The following PURG variants were observed in gnomAD, a reference collection of about 807,000 sequenced individuals.
PURG encodes the protein purine-rich element-binding protein gamma.
Under a neutral mutation model 24.3 loss-of-function variants are expected in PURG, and 3 were observed. The ratio of observed to expected loss-of-function variants is 0.12; its 90% confidence interval spans 0.06 to 0.32. PURG has a LOEUF of 0.32. Ranked by LOEUF, PURG falls within the 10% of genes least tolerant of loss-of-function variation. The probability of loss-of-function intolerance (pLI) is 1.00; values close to 1 mark genes in which losing one functional copy is unlikely to be tolerated. For missense variants in PURG, 371 were observed against 439.1 expected, an observed-to-expected ratio of 0.84 and a Z score of 1.39; for synonymous variants, 180 against 173.1, an observed-to-expected ratio of 1.04 and a Z score of -0.31.
intron 1 of PURG, among the ~76,000 whole-genome samples, chr8:31,014,333 T>C (rs1810815492): frequency 6.6e-6 from 1 of 152,208 alleles, no homozygotes; most frequent in Non-Finnish European, 1.5e-5. Context: ...AGCAGCATAC[T>C]CATAATTATA....
chr8:31,007,800 C>T (rs1168250500), intron 1 of PURG, among the ~76,000 whole-genome samples: 1 of 151,960 alleles, frequency 6.6e-6, no homozygotes, highest in Non-Finnish European at 1.5e-5. Flanking sequence ...GCAATTGGTC[C>T]CTCAATCATG....
chr8:31,014,737 T>G (rs757160987), intron 1 of PURG, among the ~76,000 whole-genome samples: 1 of 152,192 alleles, frequency 6.6e-6, no homozygotes, highest in East Asian at 1.9e-4. Flanking sequence ...AAAACAGTCT[T>G]AGAATGTAGA....
intron 1 of PURG, among the ~76,000 whole-genome samples, chr8:31,016,786 A>G: frequency 6.6e-6 from 1 of 151,966 alleles, no homozygotes; most frequent in East Asian, 1.9e-4. Context: ...ACACCTGCAC[A>G]CTTGTGTTTG....
chr8:31,006,518 C>CAAAACA (rs74998207), intron 1 of PURG, among the ~76,000 whole-genome samples: 56,745 of 150,766 alleles, frequency 0.38, 12,524 homozygotes, highest in East Asian at 0.68. Flanking sequence ...AGCTCCGTCT[C>CAAAACA]AAAACAAAAA....
intron 1 of PURG, among the ~76,000 whole-genome samples, chr8:31,004,819 G>A (rs1285446114): frequency 6.6e-6 from 1 of 152,180 alleles, no homozygotes. Flanking sequence ...TCTGTTTTTA[G>A]TAATTTAGAG....
intron 1 of PURG, among the ~76,000 whole-genome samples, chr8:31,003,361 A>C (rs1002701764): frequency 1.3e-5 from 2 of 150,170 alleles, no homozygotes; most frequent in African/African-American, 2.4e-5. Context: ...TAATCAGGCT[A>C]TATTTCTTAT....
intron 1 of PURG, among the ~76,000 whole-genome samples, chr8:31,011,166 G>A (rs1810756839): frequency 6.6e-6 from 1 of 152,214 alleles, no homozygotes; most frequent in Non-Finnish European, 1.5e-5. Context: ...CAATGAGAGT[G>A]AAATAAAATT....
chr8:30,997,392 G>A (rs1220359977), intron 1 of PURG, among the ~76,000 whole-genome samples: 2 of 151,530 alleles, frequency 1.3e-5, no homozygotes, highest in Non-Finnish European at 3.0e-5. Flanking sequence ...CACACCTTTG[G>A]GTTAATATAT....
downstream of PURG, among the ~76,000 whole-genome samples, chr8:31,026,176 T>A (rs1811084838): frequency 6.6e-6 from 1 of 151,888 alleles, no homozygotes; most frequent in Admixed American, 6.6e-5. Context: ...AGTAACAGAA[T>A]TAGTAAAAAT....
intron 1 of PURG, among the ~76,000 whole-genome samples, chr8:31,019,327 ATTTTTTTTTTTTTTT>A: frequency 1.3e-5 from 1 of 78,960 alleles, no homozygotes; most frequent in South Asian, 6.4e-4. Context: ...AACACCTCTA[ATTTTTTTTTTTTTTT>A]TTTTTTTTTT....
Position 30,998,794 on chromosome 8 carries a change from A to C in PURG, c.865-2097T>G, listed in dbSNP as rs768743695. On this transcript the variant is annotated intron_variant, in intron 1 of 1. Coordinates refer to the PURG transcript ENST00000339382. Reference sequence around the variant, plus strand: ...AGTTAATCCCATGGCAAACAGGGCCATCATTTTATCCATTCATTCATATAT... The same window carrying C: ...AGTTAATCCCATGGCAAACAGGGCCCTCATTTTATCCATTCATTCATATAT... Among the ~76,000 whole-genome samples the C allele has an allele frequency of 4.6e-5, 7 of 151,854 alleles. 1 individual carries two copies. Among genetic ancestry groups the C allele is most frequent in the Non-Finnish European group, 1.0e-4 (7 of 67,754 alleles).
At position 31,032,651 on chromosome 8, in the gene PURG, G is replaced by A. The variant is rs1811256260; in HGVS notation, c.132C>T (p.Ala44=). Residue 44 remains alanine (A), a synonymous_variant, in exon 2 of 2, where the codon GCC becomes GCT. Coordinates refer to ENST00000523392, the MANE Select transcript of PURG (RefSeq NM_001323311.2). This position sits in a 1 kb window ranked among gnomAD's most constrained non-coding sequence, Gnocchi z 5.9. ...AQHSHYPHYA[A]SATPNQAGGA... ...CCCCGGCCTGATTAGGGGTGGCTGA[G>A]GCCGCGTAGTGGGGGTAGTGGGAGT... is the stretch of plus-strand genomic sequence containing the variant. 1.3e-6 allele frequency: 2 copies of A among 1,577,692 alleles called. No individual in the cohort carries two copies. The highest frequency in any genetic ancestry group is 1.4e-5 in the African/African-American group (1 of 73,868).
chr8:31,026,015 G>C (rs79257305), downstream of PURG, among the ~76,000 whole-genome samples: 93 of 151,852 alleles, frequency 6.1e-4, no homozygotes, highest in Middle Eastern at 3.4e-3. Flanking sequence ...CTTAAACTTG[G>C]ATTTGATGAG....
At chr8:31,008,697 A>C (rs1412013186) in intron 1 of PURG, among the ~76,000 whole-genome samples, 2 of 152,218 alleles carry the variant, frequency 1.3e-5, no homozygotes, top group Non-Finnish European at 2.9e-5. Context: ...CTGAACTTTA[A>C]AGATTGACCA....
At chr8:31,020,838 C>A (rs965050670) in intron 1 of PURG, among the ~76,000 whole-genome samples, 2 of 152,094 alleles carry the variant, frequency 1.3e-5, no homozygotes, top group East Asian at 3.9e-4. Context: ...TCTTAAAGTG[C>A]GGTCCCCCTA....
At chr8:31,029,710 T>C (rs1326580510), downstream of PURG, among the ~76,000 whole-genome samples, 1 of 151,848 alleles carries the variant, frequency 6.6e-6, no homozygotes, top group Admixed American at 6.6e-5. Flanking sequence ...ATCTGACAGG[T>C]TGATTATTAT....
intron 1 of PURG, among the ~76,000 whole-genome samples, chr8:30,999,710 A>G (rs1336079886): frequency 2.6e-5 from 4 of 152,002 alleles, no homozygotes; most frequent in Non-Finnish European, 5.9e-5. Context: ...ATATATATAC[A>G]GTTTTACCTT....
chr8:31,017,944 CTT>C (rs1170191728), intron 1 of PURG, among the ~76,000 whole-genome samples: 6 of 152,144 alleles, frequency 3.9e-5, no homozygotes, highest in African/African-American at 7.2e-5. Context: ...CCTATTGCCT[CTT>C]GTGTCATTCT....
chr8:31,020,670 A>G (rs1251434052), intron 1 of PURG, among the ~76,000 whole-genome samples: 1 of 152,174 alleles, frequency 6.6e-6, no homozygotes, highest in Non-Finnish European at 1.5e-5. Flanking sequence ...AACTTATTAA[A>G]AAGTTGCTTG....
Sources: gnomAD v4.1 joint callset for allele counts (sites outside exome capture counted in the v4.1 genomes callset) on GRCh38, gnomAD v4.1.1 for gene constraint, Gnocchi (gnomAD v3.1) non-coding constraint, MANE v1.5 for transcripts, NCBI Gene and HGNC (gene_info 2026-07-23, HGNC 2026-07-21) for gene names.